CACNG3: variants seen among roughly 807,000 people sequenced by gnomAD.
CACNG3 encodes voltage-dependent calcium channel gamma-3 subunit.
In CACNG3, 3 loss-of-function variants were observed where a neutral mutation model predicts 28.5. The ratio of observed to expected loss-of-function variants is 0.11; its 90% CI spans 0.05 to 0.27. CACNG3 has a LOEUF of 0.27. Ranked by LOEUF, CACNG3 falls within the 10% of genes least tolerant of loss-of-function variation. The pLI is 1.00. For missense variants in CACNG3, 236 were observed against 414.4 expected (o/e 0.57, Z 3.74); for synonymous variants, 174 against 162.2 (o/e 1.07, Z -0.55).
intron 3 of CACNG3, among the ~76,000 whole-genome samples, chr16:24,358,280 G>A (rs924279260): frequency 2.6e-5 from 4 of 152,250 alleles, no homozygotes; most frequent in Non-Finnish European, 5.9e-5. Flanking sequence ...GCTGCCTGGC[G>A]CAAATGTAGC....
intron 2 of CACNG3, 114 bp downstream of exon 2, chr16:24,346,931 G>T: frequency 1.3e-6 from 1 of 770,970 alleles, no homozygotes; most frequent in South Asian, 1.6e-5. Context: ...ATAGATAAGT[G>T]CAAAGAAGCC....
At chr16:24,265,402 G>T (rs1898594674) in intron 1 of CACNG3, among the ~76,000 whole-genome samples, 1 of 137,082 alleles carries the variant, frequency 7.3e-6, no homozygotes, top group African/African-American at 2.8e-5. Context: ...AAGAAAGAAA[G>T]AAAAAGAAAG....
chr16:24,276,899 G>A (rs1898760028), intron 1 of CACNG3, among the ~76,000 whole-genome samples: 1 of 152,308 alleles, frequency 6.6e-6, no homozygotes, highest in East Asian at 1.9e-4. Context: ...CAAGTTTTTG[G>A]TGGATTGGAA....
chr16:24,355,449 G>A (rs1567226411), intron 3 of CACNG3, among the ~76,000 whole-genome samples: 1 of 152,092 alleles, frequency 6.6e-6, no homozygotes, highest in Admixed American at 6.6e-5. Flanking sequence ...TGGGTGTGGT[G>A]GTGCACACCT....
chr16:24,357,548 G>A (rs997202713), intron 3 of CACNG3, among the ~76,000 whole-genome samples: 15 of 152,194 alleles, frequency 9.9e-5, no homozygotes, highest in African/African-American at 3.6e-4. Context: ...AGATGAGAAA[G>A]GGAGACTATC....
intron 3 of CACNG3, among the ~76,000 whole-genome samples, chr16:24,358,830 C>G (rs975765054): frequency 6.6e-6 from 1 of 152,064 alleles, no homozygotes; most frequent in Non-Finnish European, 1.5e-5. Flanking sequence ...TGGCTGTGCT[C>G]GACATGGGAA....
At chr16:24,350,243 C>A (rs570575961) in intron 2 of CACNG3, among the ~76,000 whole-genome samples, 8 of 152,156 alleles carry the variant, frequency 5.3e-5, no homozygotes, top group African/African-American at 9.7e-5. Context: ...ACCAATGGTT[C>A]CCAAATGATG....
chr16:24,334,858 C>G (rs576492522), intron 1 of CACNG3, among the ~76,000 whole-genome samples: 1 of 152,168 alleles, frequency 6.6e-6, no homozygotes, highest in Non-Finnish European at 1.5e-5. Flanking sequence ...AGAATACACA[C>G]GCATGCATGC....
intron 1 of CACNG3, among the ~76,000 whole-genome samples, chr16:24,345,919 C>T (rs894052786): frequency 1.3e-5 from 2 of 152,092 alleles, no homozygotes; most frequent in Non-Finnish European, 2.9e-5. Flanking sequence ...ATTGGAATGC[C>T]GGTTCTATTT....
Position 24,348,012 on chromosome 16 carries a change from C to G in CACNG3, c.295+1195C>G, listed in dbSNP as rs1479527331. On this transcript the variant is annotated intron_variant, in intron 2 of 3. Transcript: ENST00000005284. ...GGGATTAGCAATGCAAAATTCACTG[C>G]AGAGATGAGCCTTCCATTGGTCAAG... Among the ~76,000 whole-genome samples, 3 of 152,160 alleles carry G rather than the reference C, an allele frequency of 2.0e-5. No individual in the cohort carries two copies. The South Asian group carries it at 6.2e-4, about 32-fold the overall frequency.
chr16:24,329,274 T>C (rs1899601901), intron 1 of CACNG3, among the ~76,000 whole-genome samples: 1 of 151,502 alleles, frequency 6.6e-6, no homozygotes, highest in African/African-American at 2.4e-5. Context: ...TAGAAGAGAG[T>C]AAAAGATGCC....
intron 1 of CACNG3, among the ~76,000 whole-genome samples, chr16:24,322,408 G>T (rs1194558917): frequency 6.6e-6 from 1 of 152,058 alleles, no homozygotes; most frequent in East Asian, 1.9e-4. Context: ...CACAGCCACA[G>T]TTTCTCTTAG....
At chr16:24,267,620 A>G (rs1898631324) in intron 1 of CACNG3, among the ~76,000 whole-genome samples, 1 of 151,966 alleles carries the variant, frequency 6.6e-6, no homozygotes, top group Non-Finnish European at 1.5e-5. Context: ...AATACTTAAC[A>G]AACACCTTCT....
At chr16:24,329,483 A>C (rs1222712332) in intron 1 of CACNG3, among the ~76,000 whole-genome samples, 2 of 152,208 alleles carry the variant, frequency 1.3e-5, no homozygotes, top group Non-Finnish European at 2.9e-5. Flanking sequence ...CTCTTTATAC[A>C]GACAGTTAAA....
At chr16:24,258,634 C>T (rs1023551760) in intron 1 of CACNG3, among the ~76,000 whole-genome samples, 1 of 152,152 alleles carries the variant, frequency 6.6e-6, no homozygotes, top group South Asian at 2.1e-4. Flanking sequence ...AGTCATTTAC[C>T]TCAGGGAAAT....
intron 1 of CACNG3, among the ~76,000 whole-genome samples, chr16:24,291,423 G>A (rs769160041): frequency 1.3e-5 from 2 of 152,140 alleles, no homozygotes; most frequent in African/African-American, 2.4e-5. Flanking sequence ...CAAGTGCAGC[G>A]ATTTTATCCT....
chr16:24,360,147 G>A (rs920623093), intron 3 of CACNG3, among the ~76,000 whole-genome samples: 3 of 152,192 alleles, frequency 2.0e-5, no homozygotes, highest in Non-Finnish European at 4.4e-5. Context: ...CCTACAGGTA[G>A]CCTAAATTTG....
chr16:24,344,588 T>C (rs1320062919), intron 1 of CACNG3, among the ~76,000 whole-genome samples: 4 of 152,170 alleles, frequency 2.6e-5, no homozygotes, highest in Non-Finnish European at 5.9e-5. Context: ...GGTCTTTTTT[T>C]CCCAATATCA....
intron 1 of CACNG3, among the ~76,000 whole-genome samples, chr16:24,273,910 A>G (rs1898719942): frequency 6.6e-6 from 1 of 152,136 alleles, no homozygotes; most frequent in African/African-American, 2.4e-5. Context: ...ATAGGAGGAA[A>G]CACTTTTCTG....
Sources: gnomAD v4.1 joint callset for allele counts (sites outside exome capture counted in the v4.1 genomes callset) on GRCh38, gnomAD v4.1.1 for gene constraint, MANE v1.5 for transcripts, NCBI Gene and HGNC (gene_info 2026-07-23, HGNC 2026-07-21) for gene names.